ODAD1: variants seen among roughly 807,000 people sequenced by gnomAD.
The protein encoded by ODAD1 is outer dynein arm-docking complex subunit 1.
In ODAD1, 49 loss-of-function variants were observed where a neutral mutation model predicts 67.2. The ratio of observed to expected loss-of-function variants is 0.73; its 90% confidence interval spans 0.58 to 0.92. The LOEUF is 0.92. ODAD1 is among the 40% of genes least tolerant of loss of function. The pLI, the probability that ODAD1 is intolerant of heterozygous loss-of-function variation, is 0.00. For synonymous variants in ODAD1, 345 were observed against 393.7 expected (o/e 0.88, Z 1.46); for missense variants, 897 against 953.7 (o/e 0.94, Z 0.78).
chr19:48,309,715 C>A (rs1211553006), intron 7 of ODAD1, among the ~76,000 whole-genome samples: 2 of 152,184 alleles, frequency 1.3e-5, no homozygotes, highest in Admixed American at 6.5e-5. Flanking sequence ...GAAGGTGTGT[C>A]AGGGGACAAG....
Position 48,318,717 on chromosome 19 carries a change from G to T in ODAD1, c.166C>A (p.Gln56Lys). The change falls in exon 4 of 16, where the codon CAA (glutamine) becomes AAA (lysine). Residue 56 changes from glutamine to lysine, a missense_variant. Gln to Lys is a moderately conservative substitution (Grantham distance 53, BLOSUM62 1). Transcript: ENST00000674294. ...GGGCCCAGGCGCCCAGCTCACAGTT[G>T]CTTGTTGATGCGCTGGTGGACTTCC... is the stretch of plus-strand genomic sequence containing the variant. The part of the protein sequence containing the change: ...SKEVHQRINK[Q>K]LEEIRRLEEV... 6.5e-7 allele frequency: 1 copy of T among 1,549,266 alleles called. No homozygotes were observed. The highest frequency in any genetic ancestry group is 8.7e-7 in the Non-Finnish European group (1 of 1,144,934).
At position 48,297,571 on chromosome 19, in the gene ODAD1, C is replaced by T; in HGVS notation, c.1581+19G>A. ...CACACACTGAGGCCTGGCCCCACCC[C>T]CGCAGGCCCCACTCTCACCAGCTTC... is the stretch of plus-strand genomic sequence containing the variant. On this transcript the variant is annotated intron_variant, in intron 15 of 15. Transcript: ENST00000674294. The T allele has an allele frequency of 1.9e-6, 3 of 1,574,718 alleles. No individual in the cohort carries two copies. Among genetic ancestry groups the T allele is most frequent in the Non-Finnish European group, 2.6e-6 (3 of 1,162,178 alleles).
At chr19:48,308,309 G>T (rs1400837968) in intron 7 of ODAD1, among the ~76,000 whole-genome samples, 3 of 151,988 alleles carry the variant, frequency 2.0e-5, no homozygotes, top group African/African-American at 7.2e-5. Context: ...CAAGTAGCTG[G>T]GATTACAGGC....
chr19:48,320,534 AGGG>A, intron 2 of ODAD1, 143 bp from the exon 3 acceptor site: 1 of 299,730 alleles, frequency 3.3e-6, no homozygotes, highest in South Asian at 2.6e-5. Flanking sequence ...GAGGGGTTGG[AGGG>A]GGACCTCTCT....
intron 12 of ODAD1, among the ~76,000 whole-genome samples, chr19:48,301,912 G>C (rs1410675646): frequency 2.6e-5 from 4 of 151,922 alleles, no homozygotes; most frequent in Non-Finnish European, 4.4e-5. Context: ...ATCCTGGATG[G>C]ATAGATATGG....
intron 7 of ODAD1, among the ~76,000 whole-genome samples, chr19:48,310,851 C>T (rs897916765): frequency 2.6e-5 from 4 of 151,298 alleles, no homozygotes; most frequent in Non-Finnish European, 5.9e-5. Context: ...CCGAGGCAGG[C>T]GAATTGCCTG....
At chr19:48,305,832 G>T (rs952852529) in intron 8 of ODAD1, among the ~76,000 whole-genome samples, 2 of 151,910 alleles carry the variant, frequency 1.3e-5, no homozygotes, top group African/African-American at 4.8e-5. Flanking sequence ...AGGCAGAGGC[G>T]GGTAGATCAT....
Position 48,297,466 on chromosome 19 carries a change from G to A in ODAD1, c.1634C>T (p.Ala545Val). Residue 545 changes from alanine to valine, a missense_variant, in exon 16 of 16, where the codon GCC (alanine) becomes GTC (valine). Ala to Val is a moderately conservative substitution (Grantham distance 64). Transcript: ENST00000674294. ...EAQRQKDLAA[A>V]AAKLDGTLSV... ...CAGGGTGCCGTCCAGCTTCGCGGCG[G>A]CGGCGGCCAGGTCCTTCTGGCGCTG... 1 of 1,601,246 alleles carries A rather than the reference G, an allele frequency of 6.2e-7. No individual in the cohort carries two copies. The highest frequency in any genetic ancestry group is 8.5e-7 in the Non-Finnish European group (1 of 1,177,112).
In ODAD1 at chr19:48,297,379, T is replaced by G. The variant is rs763552407; in HGVS notation, c.1721A>C (p.His574Pro). ...AATGGACCCGGGGATGGCATGGGGG[T>G]GCCTGGTGGGCACCAGGACGGTACT... is the stretch of plus-strand genomic sequence containing the variant. The part of the protein sequence containing the change: ...GSSTVLVPTR[H>P]PHAIPGSILS... Residue 574 changes from histidine to proline, a missense_variant, in exon 16 of 16, where the codon CAC becomes CCC. Physicochemically the swap from His to Pro is moderately conservative, Grantham distance 77. Transcript: ENST00000674294. 2 of 1,608,178 alleles carry G rather than the reference T, an allele frequency of 1.2e-6. No individual in the cohort carries two copies. The highest frequency in any genetic ancestry group is 1.7e-6 in the Non-Finnish European group (2 of 1,179,872).
Position 48,312,105 on chromosome 19 carries a change from C to G in ODAD1, c.372G>C (p.Trp124Cys). The G allele has an allele frequency of 6.4e-7, 1 of 1,551,514 alleles. No homozygotes were observed. Among genetic ancestry groups the G allele is most frequent in the Non-Finnish European group, 8.7e-7 (1 of 1,146,496 alleles). Residue 124 changes from tryptophan (W) to cysteine (C), a missense_variant, in exon 6 of 16, where the codon TGG becomes TGC. By Grantham distance (215) the Trp-to-Cys change is radical. Coordinates refer to ENST00000674294, the MANE Select transcript of ODAD1 (RefSeq NM_001364171.2). Reference sequence around the variant, plus strand: ...TACTGTGGGTAAAGATCCGCGTCTCCCACTCCTGGATCTACAAGAAAGAGG... The same window carrying G: ...TACTGTGGGTAAAGATCCGCGTCTCGCACTCCTGGATCTACAAGAAAGAGG... ...TRALDKQIQE[W>C]ETRIFTHSKN...
intron 7 of ODAD1, among the ~76,000 whole-genome samples, chr19:48,308,387 G>A (rs1968672862): frequency 6.6e-6 from 1 of 151,894 alleles, no homozygotes; most frequent in Non-Finnish European, 1.5e-5. Context: ...TGTTAGCCAG[G>A]CTGGTCTCGA....
At chr19:48,304,190 G>GCCTGGGGT in intron 8 of ODAD1, 50 bp from the exon 9 acceptor site, 1 of 1,540,300 alleles carries the variant, frequency 6.5e-7, no homozygotes, top group East Asian at 2.3e-5. Context: ...ACTGGGGTCG[G>GCCTGGGGT]CCTGGGGTCC....
In ODAD1 at chr19:48,302,741, T is replaced by G; in HGVS notation, c.1193A>C (p.Glu398Ala). The G allele has an allele frequency of 6.2e-7, 1 of 1,613,232 alleles. No homozygotes were observed. Among genetic ancestry groups the G allele is most frequent in the Non-Finnish European group, 8.5e-7 (1 of 1,180,004 alleles). The change falls in exon 12 of 16, where the codon GAG becomes GCG. Residue 398 changes from glutamate (E) to alanine (A), a missense_variant. Coordinates refer to ENST00000674294, the MANE Select transcript of ODAD1 (RefSeq NM_001364171.2). ...TCCCCGCACATCCTGGAAGCGGGCC[T>G]CAAGGCGCTCAGCCTCCGAGTGCAC... ...DKVHSEAERL[E>A]ARFQDVRGQL...
chr19:48,315,566 A>T (rs978098416), intron 5 of ODAD1, among the ~76,000 whole-genome samples: 1 of 152,134 alleles, frequency 6.6e-6, no homozygotes, highest in Non-Finnish European at 1.5e-5. Flanking sequence ...TAAACTGTGT[A>T]ATTGTTATGT....
At chr19:48,305,257 A>G (rs543081462) in intron 8 of ODAD1, among the ~76,000 whole-genome samples, 3 of 152,214 alleles carry the variant, frequency 2.0e-5, no homozygotes, top group Non-Finnish European at 2.9e-5. Context: ...CACCTAAAGC[A>G]GCTTCAGCTC....
intron 12 of ODAD1, 80 bp downstream of exon 12, chr19:48,302,614 T>A (rs1186434844): frequency 2.0e-5 from 25 of 1,232,216 alleles, no homozygotes; most frequent in Non-Finnish European, 2.3e-5. Flanking sequence ...GTCCATGCAA[T>A]GCCTCCAAGC....
intron 5 of ODAD1, among the ~76,000 whole-genome samples, chr19:48,313,065 C>T (rs1465938848): frequency 6.6e-6 from 1 of 152,142 alleles, no homozygotes; most frequent in Non-Finnish European, 1.5e-5. Context: ...AACATGCAGA[C>T]TAAATAGATA....
rs890559813 is a variant in ODAD1 at position 48,300,539 on chromosome 19, G to C, written c.1240+2155C>G. On this transcript the variant is annotated intron_variant, in intron 12 of 15. Coordinates refer to ENST00000674294, the MANE Select transcript of ODAD1 (RefSeq NM_001364171.2). ...TACAAAAAGAAAATTTCATAAATTA[G>C]ATATCCTCAAAACTAAGAAACTTCA... Among the ~76,000 whole-genome samples the C allele has an allele frequency of 2.6e-5, 4 of 152,062 alleles. No homozygotes were observed. In the East Asian group the frequency reaches 7.7e-4, roughly 29 times the overall value.
chr19:48,314,214 C>A (rs1968840518), intron 5 of ODAD1, among the ~76,000 whole-genome samples: 1 of 152,108 alleles, frequency 6.6e-6, no homozygotes, highest in South Asian at 2.1e-4. Flanking sequence ...GACATGTCTA[C>A]AAGCCAAAGT....
Sources: gnomAD v4.1 joint callset for allele counts (sites outside exome capture counted in the v4.1 genomes callset) on GRCh38, gnomAD v4.1.1 for gene constraint, MANE v1.5 for transcripts, NCBI Gene and HGNC (gene_info 2026-07-23, HGNC 2026-07-21) for gene names.